KCNJ15: variants seen among roughly 807,000 people sequenced by gnomAD.
The protein encoded by KCNJ15 is potassium inwardly rectifying channel subfamily J member 15.
A neutral mutation model predicts 23.0 loss-of-function variants in KCNJ15; 14 were observed. That is an observed-to-expected ratio of 0.61 (90% CI 0.40 to 0.95). The LOEUF (loss-of-function observed/expected upper bound fraction) is 0.95, where lower values mean the gene tolerates loss of function less well. KCNJ15 is among the 40% of genes least tolerant of loss of function. KCNJ15 has a pLI of 0.00. For missense variants in KCNJ15, 388 were observed against 461.8 expected (o/e 0.84, Z 1.46); for synonymous variants, 185 against 183.2 (o/e 1.01, Z -0.08).
chr21:38,238,069 G>C (rs1258226312), intron 1 of KCNJ15: 1 of 315,538 alleles, frequency 3.2e-6, no homozygotes, highest in Non-Finnish European at 6.2e-6. Flanking sequence ...TTATTCTAGG[G>C]TGAGTGGGTG....
intron 1 of KCNJ15, among the ~76,000 whole-genome samples, chr21:38,276,665 A>G (rs1179423531): frequency 6.6e-6 from 1 of 152,220 alleles, no homozygotes; most frequent in Non-Finnish European, 1.5e-5. Context: ...ACACAAGTTT[A>G]TCAATGTGAC....
rs1400752748 is a variant in KCNJ15 at position 38,301,091 on chromosome 21, A to G, written c.*702A>G. 1 of 166,636 alleles carries G rather than the reference A, an allele frequency of 6.0e-6. No homozygotes were observed. The highest frequency in any genetic ancestry group is 6.5e-5 in the Admixed American group (1 of 15,274). 10.3% of individuals were successfully genotyped at this position (166,636 alleles called of 1,614,324 possible). A position where few individuals can be genotyped will look rare whatever the true frequency, so the allele number is the denominator to read the frequency against. On this transcript the variant is annotated 3_prime_UTR_variant, in exon 3 of 3. Coordinates refer to ENST00000398938, the MANE Select transcript of KCNJ15 (RefSeq NM_170736.3). The stretch of plus-strand genomic sequence containing the variant: ...TTGAATCCACTATCTCTTTCCATTC[A>G]AAATATTTCCATTCAAAATGTGGTT...
rs1370485917 is a variant in KCNJ15 at position 38,305,353 on chromosome 21, A to G, written c.*4964A>G. 1 of 152,238 alleles carries G rather than the reference A, an allele frequency of 6.6e-6. No homozygotes were observed. The allele number at this position is 152,238 out of a possible 1,614,324, so 9.4% of individuals were successfully genotyped here. A position where few individuals can be genotyped will look rare whatever the true frequency, so the allele number is the denominator to read the frequency against. The stretch of plus-strand genomic sequence containing the variant: ...GATATCCACATATTTGAGGGCAGGA[A>G]TTTTTACTTTTCAATTGGTATGTTG... On this transcript the variant is annotated 3_prime_UTR_variant, in exon 3 of 3. Coordinates refer to ENST00000398938, the MANE Select transcript of KCNJ15 (RefSeq NM_170736.3).
At chr21:38,270,501 G>A (rs1262532132) in intron 1 of KCNJ15, among the ~76,000 whole-genome samples, 1 of 152,126 alleles carries the variant, frequency 6.6e-6, no homozygotes, top group Non-Finnish European at 1.5e-5. Context: ...CCTTTCAGAA[G>A]GCATCTCACT....
chr21:38,247,857 A>G lies in KCNJ15; in HGVS notation c.-398-9189A>G, dbSNP rs148366623. On this transcript the variant is annotated intron_variant, in intron 1 of 4. Transcript: ENST00000547341. ...AAGCTTCCCATCACCTGTGCCTCCC[A>G]ATCTCACCCCACTCACTGCAATCTG... Among the ~76,000 whole-genome samples the G allele has an allele frequency of 3.2e-4, 48 of 152,262 alleles. No individual in the cohort carries two copies. In the East Asian group the frequency reaches 9.3e-3, roughly 29 times the overall value.
chr21:38,233,507 TC>T (rs1442107274), intron 1 of KCNJ15, among the ~76,000 whole-genome samples: 1 of 152,162 alleles, frequency 6.6e-6, no homozygotes, highest in Non-Finnish European at 1.5e-5. Flanking sequence ...GTTCCTCTGT[TC>T]CACCTTTATT....
chr21:38,288,018 G>GTTT (rs1395005811), intron 1 of KCNJ15, among the ~76,000 whole-genome samples: 2 of 26,018 alleles, frequency 7.7e-5, no homozygotes, highest in African/African-American at 1.9e-4. Flanking sequence ...TAAATAACTT[G>GTTT]TTTTTTTCTT....
intron 1 of KCNJ15, among the ~76,000 whole-genome samples, chr21:38,257,453 G>C (rs1980371737): frequency 6.6e-6 from 1 of 152,194 alleles, no homozygotes; most frequent in African/African-American, 2.4e-5. Flanking sequence ...TGCGGTGGGT[G>C]TACGGGGGTC....
intron 1 of KCNJ15, among the ~76,000 whole-genome samples, chr21:38,243,215 A>C (rs1350042307): frequency 6.6e-6 from 1 of 151,978 alleles, no homozygotes; most frequent in African/African-American, 2.4e-5. Flanking sequence ...AATTTTCTTA[A>C]GGGCAGGATT....
At chr21:38,266,586 G>A (rs866488422) in intron 1 of KCNJ15, among the ~76,000 whole-genome samples, 4 of 152,132 alleles carry the variant, frequency 2.6e-5, no homozygotes, top group African/African-American at 4.8e-5. Context: ...GTTCCAAGTC[G>A]TTGCTATTGT....
At chr21:38,245,736 A>T (rs1979332248) in intron 1 of KCNJ15, among the ~76,000 whole-genome samples, 1 of 152,164 alleles carries the variant, frequency 6.6e-6, no homozygotes. Context: ...AGAGAAAGGA[A>T]GGAAGGAGAA....
chr21:38,247,963 C>T (rs981450317), intron 1 of KCNJ15, among the ~76,000 whole-genome samples: 1 of 152,246 alleles, frequency 6.6e-6, no homozygotes, highest in Admixed American at 6.5e-5. Context: ...AAAATTCCAT[C>T]TCTAGGACTC....
At chr21:38,295,624 A>G (rs73426700) in intron 1 of KCNJ15, among the ~76,000 whole-genome samples, 1,817 of 152,082 alleles carry the variant, frequency 0.012, 35 homozygotes, top group African/African-American at 0.041. Flanking sequence ...TTGTGTTTTT[A>G]TCTTTTGGAA....
At position 38,292,187 on chromosome 21, in the gene KCNJ15, A is replaced by G. The variant is rs547362712; in HGVS notation, c.-116-4739A>G. On this transcript the variant is annotated intron_variant, in intron 1 of 2. Coordinates refer to ENST00000398938, the MANE Select transcript of KCNJ15 (RefSeq NM_170736.3). Reference sequence around the variant, plus strand: ...GTATTAGCTTTGTGAATGCATGTAAATTATTTAATTTCTCTAAGCTTAGTT... The same window carrying G: ...GTATTAGCTTTGTGAATGCATGTAAGTTATTTAATTTCTCTAAGCTTAGTT... 3.9e-5 allele frequency among the ~76,000 whole-genome samples: 6 copies of G among 152,322 alleles called. No homozygotes were observed. In the South Asian group the frequency reaches 1.0e-3, roughly 26 times the overall value.
At chr21:38,242,623 G>C (rs983302998) in intron 1 of KCNJ15, among the ~76,000 whole-genome samples, 2 of 152,116 alleles carry the variant, frequency 1.3e-5, no homozygotes, top group Non-Finnish European at 2.9e-5. Context: ...TGCCTCTCCT[G>C]ACACACGCCC....
At chr21:38,262,181 T>G (rs1038666840) in intron 1 of KCNJ15, among the ~76,000 whole-genome samples, 2 of 152,236 alleles carry the variant, frequency 1.3e-5, no homozygotes, top group East Asian at 3.8e-4. Flanking sequence ...TTGAAAAGTT[T>G]ATCCTCTGCT....
intron 2 of KCNJ15, among the ~76,000 whole-genome samples, chr21:38,298,761 A>G (rs1203507849): frequency 6.6e-6 from 1 of 152,228 alleles, no homozygotes; most frequent in Non-Finnish European, 1.5e-5. Context: ...CAGTCAAATA[A>G]TTTTAAATTT....
Position 38,299,317 on chromosome 21 carries a change from G to A in KCNJ15, c.56G>A (p.Gly19Glu). The A allele has an allele frequency of 1.2e-6, 2 of 1,614,226 alleles. No homozygotes were observed. Among genetic ancestry groups the A allele is most frequent in the South Asian group, 1.1e-5 (1 of 91,086 alleles). The change falls in exon 3 of 3, where the codon GGG becomes GAG. Residue 19 changes from glycine to glutamate, a missense_variant. Transcript: ENST00000398938. The surrounding 1 kb of genome is among the most constrained non-coding windows in gnomAD (Gnocchi z 4.5). Reference sequence around the variant, plus strand: ...ACCCCCCTGGTGAAGCACACTGCTGGGGCTGGGCTCAAGGCCAACAGACCC... The same window carrying A: ...ACCCCCCTGGTGAAGCACACTGCTGAGGCTGGGCTCAAGGCCAACAGACCC... ...SSTPLVKHTAGAGLKANRPRV... is the reference protein window; with the variant it reads ...SSTPLVKHTAEAGLKANRPRV...
At chr21:38,261,307 G>A (rs1980871035) in intron 1 of KCNJ15, among the ~76,000 whole-genome samples, 1 of 152,142 alleles carries the variant, frequency 6.6e-6, no homozygotes, top group Non-Finnish European at 1.5e-5. Flanking sequence ...TGCAAAATTA[G>A]GACTGTACTA....
Sources: allele counts gnomAD v4.1 joint callset (sites outside exome capture counted in the v4.1 genomes callset), GRCh38; gene constraint gnomAD v4.1.1; non-coding constraint Gnocchi (gnomAD v3.1); transcripts MANE v1.5; gene names NCBI Gene and HGNC (gene_info 2026-07-23, HGNC 2026-07-21).